KCNIP4: variants seen among roughly 807,000 people sequenced by gnomAD.
KCNIP4 encodes potassium voltage-gated channel interacting protein 4.
In KCNIP4, 12 loss-of-function variants were observed where a neutral mutation model predicts 34.0. The observed-to-expected ratio is 0.35, with a 90% confidence interval of 0.23 to 0.57. The LOEUF (loss-of-function observed/expected upper bound fraction) is 0.57, where lower values mean the gene tolerates loss of function less well. Among genes scored for constraint, KCNIP4 ranks in the 20% least tolerant of loss-of-function variants. KCNIP4 has a pLI of 0.83. For synonymous variants in KCNIP4, 124 were observed against 102.2 expected, an observed-to-expected ratio of 1.21 and a Z score of -1.29; for missense variants, 238 against 311.7, an observed-to-expected ratio of 0.76 and a Z score of 1.78.
intron 1 of KCNIP4, among the ~76,000 whole-genome samples, chr4:21,407,614 T>C (rs1279076247): frequency 1.3e-5 from 2 of 152,200 alleles, no homozygotes; most frequent in African/African-American, 2.4e-5. Context: ...CAAACTCACA[T>C]AGCTTTGTTG....
chr4:20,911,138 C>T (rs1037045542), intron 1 of KCNIP4, among the ~76,000 whole-genome samples: 4 of 152,158 alleles, frequency 2.6e-5, no homozygotes, highest in Non-Finnish European at 5.9e-5. Context: ...CTGTTTCTTA[C>T]AGGGCTATCC....
At chr4:20,860,608 C>A (rs1199701704) in intron 2 of KCNIP4, among the ~76,000 whole-genome samples, 1 of 152,138 alleles carries the variant, frequency 6.6e-6, no homozygotes, top group Middle Eastern at 3.2e-3. Context: ...GATAAAAATA[C>A]CCTCTGAGCC....
intron 1 of KCNIP4, among the ~76,000 whole-genome samples, chr4:21,501,041 T>C (rs969194600): frequency 5.3e-5 from 8 of 152,140 alleles, no homozygotes; most frequent in Admixed American, 3.9e-4. Flanking sequence ...GCAAGACCTC[T>C]AATCTCTAAC....
At chr4:21,280,117 A>G (rs978245437) in intron 1 of KCNIP4, among the ~76,000 whole-genome samples, 10 of 152,164 alleles carry the variant, frequency 6.6e-5, no homozygotes, top group African/African-American at 2.4e-4. Flanking sequence ...CATTTATTCC[A>G]TTCTTTTGTC....
intron 1 of KCNIP4, among the ~76,000 whole-genome samples, chr4:21,644,782 G>C (rs1746896311): frequency 6.6e-6 from 1 of 152,062 alleles, no homozygotes; most frequent in African/African-American, 2.4e-5. Context: ...GATACTGCTT[G>C]TAGTTTGTAG....
chr4:21,483,181 C>G (rs1731590579), intron 1 of KCNIP4, among the ~76,000 whole-genome samples: 1 of 151,428 alleles, frequency 6.6e-6, no homozygotes, highest in Non-Finnish European at 1.5e-5. Flanking sequence ...ACATATGTAA[C>G]AAACCTGCAT....
chr4:20,791,516 C>T (rs1258797251), intron 3 of KCNIP4, among the ~76,000 whole-genome samples: 1 of 151,854 alleles, frequency 6.6e-6, no homozygotes, highest in Non-Finnish European at 1.5e-5. Flanking sequence ...ATACAAAAAC[C>T]AGGAACAAAG....
intron 1 of KCNIP4, among the ~76,000 whole-genome samples, chr4:20,904,423 T>C (rs1274658166): frequency 5.3e-5 from 8 of 151,530 alleles, no homozygotes; most frequent in Non-Finnish European, 1.2e-4. Flanking sequence ...GAATCATTTG[T>C]CAATTTTGCC....
intron 1 of KCNIP4, among the ~76,000 whole-genome samples, chr4:21,290,692 G>A (rs1763393602): frequency 6.6e-6 from 1 of 152,170 alleles, no homozygotes. Flanking sequence ...CTTGGGCCAA[G>A]GAAGATGACA....
intron 1 of KCNIP4, among the ~76,000 whole-genome samples, chr4:20,944,590 T>G (rs1004624991): frequency 6.6e-6 from 1 of 152,214 alleles, no homozygotes; most frequent in African/African-American, 2.4e-5. Context: ...GCTGCCCCAC[T>G]GTGATGAGGC....
intron 1 of KCNIP4, among the ~76,000 whole-genome samples, chr4:21,560,293 A>G (rs778206787): frequency 1.3e-5 from 2 of 152,082 alleles, no homozygotes; most frequent in African/African-American, 4.8e-5. Flanking sequence ...AGATTATTGG[A>G]TCTACATATT....
intron 1 of KCNIP4, among the ~76,000 whole-genome samples, chr4:21,511,314 A>C (rs929806032): frequency 6.7e-6 from 1 of 149,024 alleles, no homozygotes; most frequent in African/African-American, 2.5e-5. Flanking sequence ...TATAGGCTTC[A>C]TATTATAATG....
intron 1 of KCNIP4, among the ~76,000 whole-genome samples, chr4:21,781,790 T>G (rs186376053): frequency 1.3e-5 from 2 of 152,094 alleles, no homozygotes; most frequent in African/African-American, 4.8e-5. Context: ...TAAAAATAAT[T>G]ATATGGGGTA....
intron 1 of KCNIP4, among the ~76,000 whole-genome samples, chr4:21,426,293 G>A (rs961175165): frequency 2.0e-5 from 3 of 152,128 alleles, no homozygotes; most frequent in Non-Finnish European, 2.9e-5. Flanking sequence ...GGAGTCTTTC[G>A]GGTGTGATGA....
intron 1 of KCNIP4, among the ~76,000 whole-genome samples, chr4:21,364,360 G>A (rs949427260): frequency 6.6e-6 from 1 of 152,048 alleles, no homozygotes; most frequent in Non-Finnish European, 1.5e-5. Context: ...CTGCCAAGAG[G>A]AATATATTAG....
intron 1 of KCNIP4, among the ~76,000 whole-genome samples, chr4:21,292,340 G>C (rs1315554333): frequency 1.3e-5 from 2 of 152,086 alleles, no homozygotes; most frequent in African/African-American, 2.4e-5. Context: ...CATCGTCTGA[G>C]CTACAATATT....
chr4:21,488,629 G>A (rs1732114743), intron 1 of KCNIP4, among the ~76,000 whole-genome samples: 1 of 152,084 alleles, frequency 6.6e-6, no homozygotes, highest in Admixed American at 6.6e-5. Context: ...AGATTAGTAA[G>A]CTATAATAGA....
intron 1 of KCNIP4, among the ~76,000 whole-genome samples, chr4:21,646,784 G>A (rs995166531): frequency 6.6e-6 from 1 of 152,050 alleles, no homozygotes; most frequent in Non-Finnish European, 1.5e-5. Context: ...TATATCTATG[G>A]CAAATCAATC....
intron 1 of KCNIP4, among the ~76,000 whole-genome samples, chr4:21,625,459 A>T (rs115590086): frequency 0.035 from 5,373 of 152,156 alleles, 303 homozygotes; most frequent in African/African-American, 0.12. Flanking sequence ...TAAGGTCTGT[A>T]ATTCTCTCAA....
Sources: gnomAD v4.1 joint callset for allele counts (sites outside exome capture counted in the v4.1 genomes callset) on GRCh38, gnomAD v4.1.1 for gene constraint, MANE v1.5 for transcripts, NCBI Gene and HGNC (gene_info 2026-07-23, HGNC 2026-07-21) for gene names.